Variants in CFAP97 observed in about 807,000 individuals in gnomAD.
CFAP97 encodes the protein cilia and flagella associated protein 97, also known as cilia- and flagella-associated protein 97.
In CFAP97, 36 loss-of-function variants were observed where a neutral mutation model predicts 43.1. The observed-to-expected ratio is 0.84, with a 90% CI of 0.64 to 1.10. The LOEUF (loss-of-function observed/expected upper bound fraction) is 1.10, where lower values mean the gene tolerates loss of function less well. CFAP97 is among the 50% of genes least tolerant of loss of function. The pLI is 0.00. For missense variants in CFAP97, 657 were observed against 620.3 expected, an observed-to-expected ratio of 1.06 and a Z score of -0.63; for synonymous variants, 228 against 225.7, an observed-to-expected ratio of 1.01 and a Z score of -0.09.
At position 185,176,178 on chromosome 4, in the gene CFAP97, T is replaced by C. The variant is rs1251908798; in HGVS notation, c.1055-127A>G. ...CCCAGACTGGAGTGCAATGGGACAA[T>C]CTTAGCTCACTGCAACCTCCGCCTC... On this transcript the variant is annotated intron_variant, in intron 2 of 4. Transcript: ENST00000458385. 3.0e-5 allele frequency: 25 copies of C among 831,360 alleles called. 2 individuals are homozygous for C. Among genetic ancestry groups the C allele is most frequent in the Middle Eastern group, 7.6e-4 (2 of 2,638 alleles). The allele number at this position is 831,360 out of a possible 1,614,324, so 51.5% of individuals were successfully genotyped here.
chr4:185,167,182 T>C (rs1299213875), intron 3 of CFAP97, among the ~76,000 whole-genome samples: 1 of 152,158 alleles, frequency 6.6e-6, no homozygotes, highest in African/African-American at 2.4e-5. Context: ...AAACAACAGT[T>C]CAGGCTGGGT....
At position 185,161,262 on chromosome 4, in the gene CFAP97, C is replaced by T. The variant is rs914086305; in HGVS notation, c.*1536G>A. 6.6e-6 allele frequency: 1 copy of T among 152,132 alleles called. No homozygotes were observed. Among genetic ancestry groups the T allele is most frequent in the Non-Finnish European group, 1.5e-5 (1 of 68,024 alleles). 9.4% of individuals were successfully genotyped at this position (152,132 alleles called of 1,614,324 possible). On this transcript the variant is annotated 3_prime_UTR_variant, in exon 5 of 5. Transcript: ENST00000458385. ...TGTGGCCAGGTGAATTATTTAACCT[C>T]ACTGTGCCCATGTTCACAGGCCTGA...
intron 1 of CFAP97, among the ~76,000 whole-genome samples, chr4:185,192,774 T>C (rs1736341027): frequency 8.0e-6 from 1 of 124,956 alleles, no homozygotes; most frequent in Admixed American, 1.0e-4. Flanking sequence ...GGAGTCTCGC[T>C]CTGTCACCCA....
chr4:185,203,015 A>G (rs910740666), intron 1 of CFAP97, among the ~76,000 whole-genome samples: 16 of 152,360 alleles, frequency 1.1e-4, no homozygotes, highest in Non-Finnish European at 1.9e-4. Flanking sequence ...TCATCAGACC[A>G]TAACAACCCT....
chr4:185,195,711 G>A (rs951193947), intron 1 of CFAP97, among the ~76,000 whole-genome samples: 3 of 152,120 alleles, frequency 2.0e-5, no homozygotes, highest in African/African-American at 4.8e-5. Flanking sequence ...GCGATCTTGA[G>A]TCATCACAAA....
intron 2 of CFAP97, among the ~76,000 whole-genome samples, chr4:185,181,268 T>TA (rs1174016080): frequency 1.8e-4 from 13 of 71,342 alleles, no homozygotes; most frequent in Non-Finnish European, 2.3e-4. Flanking sequence ...TCAAAAAAAA[T>TA]AAAAATAAAA....
intron 2 of CFAP97, 78 bp from the exon 3 acceptor site, chr4:185,176,129 T>G (rs1735529240): frequency 1.6e-6 from 2 of 1,217,054 alleles, no homozygotes; most frequent in Non-Finnish European, 1.1e-6. Flanking sequence ...TTTTCTCTTT[T>G]TAGACGGAGT....
rs922090010 is a variant in CFAP97 at position 185,190,816 on chromosome 4, A to G, written c.381T>C (p.Gly127=). 2.7e-5 allele frequency: 44 copies of G among 1,608,362 alleles called. No individual in the cohort carries two copies. Among genetic ancestry groups the G allele is most frequent in the Admixed American group, 1.4e-4 (8 of 59,026 alleles). ...CTCCATCTGTGTAGTAATCATCTTC[A>G]CCTTCTTTTACAATTTTGGGAATTC... is the stretch of plus-strand genomic sequence containing the variant. ...PNRIPKIVKE[G]EDDYYTDGEE... The change falls in exon 2 of 5, where the codon GGT becomes GGC. Residue 127 remains glycine, a synonymous_variant. Transcript: ENST00000458385.
chr4:185,197,289 A>G (rs914084206), intron 1 of CFAP97, among the ~76,000 whole-genome samples: 7 of 152,174 alleles, frequency 4.6e-5, no homozygotes, highest in Non-Finnish European at 8.8e-5. Context: ...CAATCAAGTA[A>G]TAAGTTTCTA....
rs1450909455 is a variant in CFAP97, at chr4:185,162,524, A to C, written c.*274T>G. 2 of 384,346 alleles carry C rather than the reference A, an allele frequency of 5.2e-6. No homozygotes were observed. The highest frequency in any genetic ancestry group is 9.5e-6 in the Non-Finnish European group (2 of 209,824). 23.8% of individuals were successfully genotyped at this position (384,346 alleles called of 1,614,324 possible). On this transcript the variant is annotated 3_prime_UTR_variant, in exon 5 of 5. Coordinates refer to ENST00000458385, the MANE Select transcript of CFAP97 (RefSeq NM_020827.3). ...ATACTATCACTACTATTTTGACAGC[A>C]TGACAACTGAATAATTAGAAGATAC...
At position 185,190,996 on chromosome 4, in the gene CFAP97, C is replaced by T. The variant is rs1445968305; in HGVS notation, c.201G>A (p.Lys67=). The stretch of plus-strand genomic sequence containing the variant: ...GAAATTTCACGTTTCTTTCATTTCC[C>T]TTCTCAGTAAGATAATTTTCTGTTG... The part of the protein sequence containing the change: ...MQTTENYLTE[K]GNERNVKFPP... The change falls in exon 2 of 5, where the codon AAG becomes AAA. Residue 67 remains lysine (K), a synonymous_variant. Transcript: ENST00000458385. The T allele has an allele frequency of 6.2e-7, 1 of 1,613,596 alleles. No homozygotes were observed. Among genetic ancestry groups the T allele is most frequent in the Non-Finnish European group, 8.5e-7 (1 of 1,179,686 alleles).
intron 3 of CFAP97, among the ~76,000 whole-genome samples, chr4:185,168,623 G>A (rs1468101560): frequency 6.6e-6 from 1 of 151,080 alleles, no homozygotes; most frequent in Non-Finnish European, 1.5e-5. Flanking sequence ...GACCAGGCAC[G>A]GTGGCTCACG....
upstream of CFAP97, among the ~76,000 whole-genome samples, chr4:185,205,554 G>A (rs1481197837): frequency 2.0e-5 from 3 of 152,192 alleles, no homozygotes; most frequent in African/African-American, 7.2e-5. Flanking sequence ...GGTTGGCCCG[G>A]CGCGGTGGCT....
chr4:185,177,822 A>G (rs1207049704), intron 2 of CFAP97, among the ~76,000 whole-genome samples: 1 of 152,210 alleles, frequency 6.6e-6, no homozygotes, highest in African/African-American at 2.4e-5. Context: ...GCGACAGAGC[A>G]AGACTCCCAT....
intron 2 of CFAP97, among the ~76,000 whole-genome samples, chr4:185,183,763 A>G (rs1323295583): frequency 6.6e-6 from 1 of 152,214 alleles, no homozygotes; most frequent in Non-Finnish European, 1.5e-5. Flanking sequence ...TAACAGATGT[A>G]CCAACTGGCA....
Position 185,175,922 on chromosome 4 carries a change from A to G in CFAP97, c.1184T>C (p.Leu395Ser), listed in dbSNP as rs534539197. The G allele has an allele frequency of 6.3e-5, 101 of 1,613,906 alleles. No individual in the cohort carries two copies. The South Asian group carries it at 6.7e-4, about 11-fold the overall frequency. ...TTCCGCCTGTCTTGACAGTTCTTTC[A>G]AAAGCCTCTGATTTTCCCGATCGAT... ...RQIDRENQRL[L>S]KELSRQAEKP... Residue 395 changes from leucine (L) to serine (S), a missense_variant, in exon 3 of 5, where the codon TTG becomes TCG. By Grantham distance (145) the Leu-to-Ser change is moderately radical. Coordinates refer to ENST00000458385, the MANE Select transcript of CFAP97 (RefSeq NM_020827.3).
chr4:185,193,701 A>G (rs141309899), intron 1 of CFAP97, among the ~76,000 whole-genome samples: 2 of 152,274 alleles, frequency 1.3e-5, no homozygotes, highest in South Asian at 2.1e-4. Context: ...CTATATTCAT[A>G]TTATAATTAA....
chr4:185,191,193 C>G lies in CFAP97; in HGVS notation c.4G>C (p.Asp2His). M[D>H]QFGDILEGEV... is the part of the protein sequence containing the mutation. ...CCTTCTAATATATCTCCAAACTGAT[C>G]CATGATGGCAAAAATATATCTGAAA... Residue 2 changes from aspartate (D) to histidine (H), a missense_variant, in exon 2 of 5, where the codon GAT becomes CAT. Coordinates refer to ENST00000458385, the MANE Select transcript of CFAP97 (RefSeq NM_020827.3). 1.3e-6 allele frequency: 2 copies of G among 1,525,270 alleles called. No individual in the cohort carries two copies. Among genetic ancestry groups the G allele is most frequent in the Non-Finnish European group, 1.7e-6 (2 of 1,144,340 alleles). The allele number at this position is 1,525,270 out of a possible 1,614,324, so 94.5% of individuals were successfully genotyped here.
chr4:185,191,740 G>C (rs1334656681), intron 1 of CFAP97, among the ~76,000 whole-genome samples: 1 of 152,108 alleles, frequency 6.6e-6, no homozygotes, highest in African/African-American at 2.4e-5. Flanking sequence ...TGAAGCAGGA[G>C]AATTGCTTGA....
Sources: allele counts gnomAD v4.1 joint callset (sites outside exome capture counted in the v4.1 genomes callset), GRCh38; gene constraint gnomAD v4.1.1; transcripts MANE v1.5; gene names NCBI Gene and HGNC (gene_info 2026-07-23, HGNC 2026-07-21).